Variants in NRG1 observed in about 807,000 individuals in gnomAD.
NRG1 encodes pro-neuregulin-1, membrane-bound isoform.
A neutral mutation model predicts 63.8 loss-of-function variants in NRG1; 18 were observed. The ratio of observed to expected loss-of-function variants is 0.28; its 90% confidence interval spans 0.19 to 0.42. The LOEUF (loss-of-function observed/expected upper bound fraction) is 0.42. Among genes scored for constraint, NRG1 ranks in the 10% least tolerant of loss-of-function variants. The pLI, the probability that NRG1 is intolerant of heterozygous loss-of-function variation, is 1.00. For synonymous variants in NRG1, 302 were observed against 301.3 expected, an observed-to-expected ratio of 1.00 and a Z score of -0.02; for missense variants, 762 against 814.7, an observed-to-expected ratio of 0.94 and a Z score of 0.79.
chr8:31,856,147 T>C (rs1396517998), intron 1 of NRG1, among the ~76,000 whole-genome samples: 1 of 152,162 alleles, frequency 6.6e-6, no homozygotes, highest in African/African-American at 2.4e-5. Context: ...TTCCTGAATC[T>C]GAATGTTGGC....
chr8:32,566,842 CATTTT>C (rs1272248622), intron 1 of NRG1, among the ~76,000 whole-genome samples: 1 of 105,150 alleles, frequency 9.5e-6, no homozygotes, highest in Non-Finnish European at 2.1e-5. Context: ...CAGAAAGTAG[CATTTT>C]GTTTTGTTTT....
At chr8:32,002,116 C>G (rs1245723287) in intron 1 of NRG1, among the ~76,000 whole-genome samples, 1 of 152,008 alleles carries the variant, frequency 6.6e-6, no homozygotes, top group African/African-American at 2.4e-5. Context: ...CTCTGCCTCC[C>G]AGGTTCAAGT....
intron 1 of NRG1, among the ~76,000 whole-genome samples, chr8:32,536,740 G>T (rs1015594807): frequency 1.3e-5 from 2 of 151,452 alleles, no homozygotes; most frequent in Admixed American, 6.6e-5. Context: ...GGCTAACACG[G>T]TGAAACCCCT....
At chr8:32,686,169 G>A (rs1457848909) in intron 5 of NRG1, among the ~76,000 whole-genome samples, 3 of 152,098 alleles carry the variant, frequency 2.0e-5, no homozygotes, top group African/African-American at 7.2e-5. Flanking sequence ...TGTGGCAAAT[G>A]CAAGTTACCA....
chr8:32,133,362 C>G (rs1027476039), intron 1 of NRG1, among the ~76,000 whole-genome samples: 4 of 151,954 alleles, frequency 2.6e-5, no homozygotes, highest in African/African-American at 7.2e-5. Context: ...TGCAAATACT[C>G]CCACCACAGC....
At chr8:32,343,485 C>T (rs1432563498) in intron 1 of NRG1, among the ~76,000 whole-genome samples, 2 of 152,110 alleles carry the variant, frequency 1.3e-5, no homozygotes, top group African/African-American at 4.8e-5. Flanking sequence ...TATGCATTTG[C>T]TGATGGTCTT....
At chr8:32,383,399 C>T (rs1447864906) in intron 1 of NRG1, among the ~76,000 whole-genome samples, 4 of 152,238 alleles carry the variant, frequency 2.6e-5, no homozygotes, top group Middle Eastern at 3.4e-3. Flanking sequence ...TCTCTAGACC[C>T]GTCATTGAGG....
chr8:32,624,565 A>G (rs1407269924), intron 5 of NRG1, among the ~76,000 whole-genome samples: 1 of 152,246 alleles, frequency 6.6e-6, no homozygotes, highest in Non-Finnish European at 1.5e-5. Context: ...TTGGGCAGAC[A>G]AAACTAAGCA....
rs1379691554 is a variant in NRG1 at position 32,251,848 on chromosome 8, C to T, written c.38-343980C>T. On this transcript the variant is annotated intron_variant, in intron 1 of 10. Coordinates refer to the NRG1 transcript ENST00000519301. ...TCTAATGACCAGTGATGATGATTTT[C>T]TCATATGTTTGTTAGCCGCATAATG... Among the ~76,000 whole-genome samples the T allele has an allele frequency of 2.0e-5, 3 of 151,258 alleles. No homozygotes were observed. In the East Asian group the frequency reaches 5.9e-4, roughly 30 times the overall value.
intron 5 of NRG1, among the ~76,000 whole-genome samples, chr8:32,679,726 G>A (rs1017781868): frequency 2.6e-5 from 4 of 152,144 alleles, no homozygotes; most frequent in African/African-American, 9.6e-5. Flanking sequence ...GTTAGTAAAG[G>A]CTAAATTGCA....
intron 1 of NRG1, among the ~76,000 whole-genome samples, chr8:32,578,986 G>A (rs1309818622): frequency 6.6e-6 from 1 of 152,010 alleles, no homozygotes; most frequent in Non-Finnish European, 1.5e-5. Context: ...TAAATTTTTA[G>A]GTTTATTAAA....
At chr8:32,280,992 C>G (rs374783220) in intron 1 of NRG1, among the ~76,000 whole-genome samples, 7 of 151,102 alleles carry the variant, frequency 4.6e-5, no homozygotes, top group African/African-American at 1.5e-4. Context: ...ATCTCCTGAC[C>G]TCGTGATCCA....
intron 1 of NRG1, among the ~76,000 whole-genome samples, chr8:32,314,567 C>T (rs1857171614): frequency 6.6e-6 from 1 of 151,836 alleles, no homozygotes; most frequent in African/African-American, 2.4e-5. Context: ...TTTCTCCTTG[C>T]ATGTGCTTCC....
intron 1 of NRG1, among the ~76,000 whole-genome samples, chr8:31,655,687 G>T (rs1805366050): frequency 6.6e-6 from 1 of 152,198 alleles, no homozygotes; most frequent in Admixed American, 6.5e-5. Flanking sequence ...ACAACTGCTG[G>T]TTATAAGGAG....
At chr8:31,682,332 T>C (rs959085843) in intron 1 of NRG1, among the ~76,000 whole-genome samples, 1 of 152,164 alleles carries the variant, frequency 6.6e-6, no homozygotes, top group Non-Finnish European at 1.5e-5. Context: ...TTATGTGGTG[T>C]TGTCACCGTT....
At chr8:32,214,035 G>A (rs1844963244) in intron 1 of NRG1, among the ~76,000 whole-genome samples, 1 of 152,216 alleles carries the variant, frequency 6.6e-6, no homozygotes, top group African/African-American at 2.4e-5. Flanking sequence ...AGTTAGGGAA[G>A]TTTATGTGGA....
intron 6 of NRG1, among the ~76,000 whole-genome samples, chr8:32,731,492 A>G (rs753325963): frequency 1.1e-4 from 16 of 151,826 alleles, no homozygotes; most frequent in African/African-American, 7.3e-5. Flanking sequence ...TTTGACATCT[A>G]TGATTTTGAT....
chr8:32,122,388 G>T (rs1181646854), intron 1 of NRG1, among the ~76,000 whole-genome samples: 1 of 151,890 alleles, frequency 6.6e-6, no homozygotes, highest in Non-Finnish European at 1.5e-5. Flanking sequence ...GGCAGAGTTA[G>T]GATTTCCTGT....
intron 1 of NRG1, among the ~76,000 whole-genome samples, chr8:32,594,502 T>C (rs1843031620): frequency 6.6e-6 from 1 of 152,206 alleles, no homozygotes; most frequent in Non-Finnish European, 1.5e-5. Context: ...AGACATACTA[T>C]ATAGAATTGC....
Sources: allele counts gnomAD v4.1 joint callset (sites outside exome capture counted in the v4.1 genomes callset), GRCh38; gene constraint gnomAD v4.1.1; transcripts MANE v1.5; gene names NCBI Gene and HGNC (gene_info 2026-07-23, HGNC 2026-07-21).